The following DOCK4 variants were observed in gnomAD, a reference collection of about 807,000 sequenced individuals.
The protein encoded by DOCK4 is dedicator of cytokinesis protein 4.
A neutral mutation model predicts 268.1 loss-of-function variants in DOCK4; 97 were observed. The ratio of observed to expected loss-of-function variants is 0.36; its 90% CI spans 0.31 to 0.43. The LOEUF is 0.43. DOCK4 is among the 20% of genes least tolerant of loss of function. DOCK4 has a pLI of 1.00. For missense variants in DOCK4, 2,145 were observed against 2,455.7 expected (o/e 0.87, Z 2.67); for synonymous variants, 954 against 887.2 (o/e 1.08, Z -1.34).
At chr7:112,040,987 T>C (rs1804304641) in intron 1 of DOCK4, among the ~76,000 whole-genome samples, 1 of 152,208 alleles carries the variant, frequency 6.6e-6, no homozygotes. Flanking sequence ...AGGTAATTTT[T>C]TTTTTACGTT....
chr7:111,796,970 G>A (rs969374253), intron 30 of DOCK4, among the ~76,000 whole-genome samples: 7 of 152,334 alleles, frequency 4.6e-5, no homozygotes, highest in Admixed American at 3.3e-4. Flanking sequence ...AACAGTCGGA[G>A]AATGCTCCCT....
At position 111,778,378 on chromosome 7, in the gene DOCK4, A is replaced by C. The variant is rs1317974930; in HGVS notation, c.3586-9T>G. Reference sequence around the variant, plus strand: ...TCAGTCTTATAGAAGTTCTGTAAAAAAAGAGTACAGGTATGGATAGTTCCT... The same window carrying C: ...TCAGTCTTATAGAAGTTCTGTAAAACAAGAGTACAGGTATGGATAGTTCCT... On this transcript the variant is annotated splice_polypyrimidine_tract_variant and intron_variant, in intron 35 of 52. Coordinates refer to ENST00000428084, the MANE Select transcript of DOCK4 (RefSeq NM_001363540.2). The C allele has an allele frequency of 6.3e-7, 1 of 1,578,468 alleles. No homozygotes were observed. Among genetic ancestry groups the C allele is most frequent in the Non-Finnish European group, 8.7e-7 (1 of 1,148,406 alleles).
chr7:111,909,288 T>G (rs1486699053), intron 13 of DOCK4, among the ~76,000 whole-genome samples: 2 of 152,244 alleles, frequency 1.3e-5, no homozygotes, highest in Non-Finnish European at 1.5e-5. Flanking sequence ...TTTTACTATG[T>G]TTCTTGGCCG....
At chr7:111,971,897 T>A in intron 8 of DOCK4, 1 of 185,290 alleles carries the variant, frequency 5.4e-6, no homozygotes, top group Non-Finnish European at 1.1e-5. Context: ...AATGCCAACA[T>A]TCTTAGGCCT....
intron 1 of DOCK4, among the ~76,000 whole-genome samples, chr7:112,156,402 C>T (rs1816617648): frequency 6.6e-6 from 1 of 152,140 alleles, no homozygotes; most frequent in Non-Finnish European, 1.5e-5. Context: ...ATTGGGGTTA[C>T]ATTATAATTT....
At chr7:111,919,578 A>G (rs1477475723) in intron 12 of DOCK4, among the ~76,000 whole-genome samples, 1 of 152,228 alleles carries the variant, frequency 6.6e-6, no homozygotes. Context: ...TAAAGCCCTC[A>G]GTGTAATTAT....
At position 112,004,148 on chromosome 7, in the gene DOCK4, A is replaced by C. The variant is rs763783744; in HGVS notation, c.38-17T>G. 20 of 1,550,420 alleles carry C rather than the reference A, an allele frequency of 1.3e-5. No homozygotes were observed. The highest frequency in any genetic ancestry group is 1.8e-5 in the Non-Finnish European group (20 of 1,141,054). Reference sequence around the variant, plus strand: ...TGGCAATAACTGTAAAAAATGATAAAGAATATATGAAGACAATCATGTCCA... The same window carrying C: ...TGGCAATAACTGTAAAAAATGATAACGAATATATGAAGACAATCATGTCCA... On this transcript the variant is annotated splice_polypyrimidine_tract_variant and intron_variant, in intron 1 of 52. Coordinates refer to ENST00000428084, the MANE Select transcript of DOCK4 (RefSeq NM_001363540.2).
At chr7:111,861,528 C>T (rs1333554382) in intron 23 of DOCK4, among the ~76,000 whole-genome samples, 3 of 151,832 alleles carry the variant, frequency 2.0e-5, no homozygotes, top group East Asian at 1.9e-4. Flanking sequence ...GGGTGGATCA[C>T]CTGAGGTCAG....
At chr7:111,916,166 C>A (rs1792570158) in intron 12 of DOCK4, among the ~76,000 whole-genome samples, 1 of 152,160 alleles carries the variant, frequency 6.6e-6, no homozygotes, top group Admixed American at 6.5e-5. Context: ...GCTTCCAACC[C>A]CCAAATCTCT....
intron 39 of DOCK4, among the ~76,000 whole-genome samples, chr7:111,761,502 T>C (rs1168889459): frequency 1.3e-5 from 2 of 152,252 alleles, no homozygotes; most frequent in East Asian, 3.9e-4. Context: ...CCAGGAAAAC[T>C]TGTGGGATCT....
At chr7:111,957,146 T>C (rs1449841036) in intron 8 of DOCK4, among the ~76,000 whole-genome samples, 1 of 152,176 alleles carries the variant, frequency 6.6e-6, no homozygotes, top group East Asian at 1.9e-4. Context: ...CTATAGTTTA[T>C]ATACTTCTAA....
intron 1 of DOCK4, among the ~76,000 whole-genome samples, chr7:112,048,071 C>T (rs1214439828): frequency 2.0e-5 from 3 of 151,998 alleles, no homozygotes; most frequent in African/African-American, 7.2e-5. Flanking sequence ...CTGTAGTCTC[C>T]AAATGAGGGG....
intron 2 of DOCK4, among the ~76,000 whole-genome samples, chr7:112,001,813 T>C (rs1184282692): frequency 6.6e-6 from 1 of 152,196 alleles, no homozygotes; most frequent in Non-Finnish European, 1.5e-5. Flanking sequence ...CCATCCAAGG[T>C]TGCAGGTATC....
At chr7:111,753,403 A>C (rs1474924007) in intron 42 of DOCK4, among the ~76,000 whole-genome samples, 1 of 152,150 alleles carries the variant, frequency 6.6e-6, no homozygotes, top group Non-Finnish European at 1.5e-5. Context: ...TGAGCCCGGG[A>C]GGTCAAGGCT....
intron 1 of DOCK4, among the ~76,000 whole-genome samples, chr7:112,083,763 A>G (rs1808804247): frequency 6.6e-6 from 1 of 152,188 alleles, no homozygotes; most frequent in African/African-American, 2.4e-5. Context: ...TATGAATAAT[A>G]ACTACATATA....
chr7:111,863,433 C>T lies in DOCK4; in HGVS notation c.2412G>A (p.Leu804=), dbSNP rs1586205489. ...CAATGCACTGCAGTTTGATGGCCTG[C>T]AGGGAATCATCCACATGCAGGATGG... The part of the protein sequence containing the change: ...LPTILHVDDS[L]QAIKLQCIGK... Residue 804 remains leucine (L), a synonymous_variant, in exon 23 of 53, where the codon CTG becomes CTA. Transcript: ENST00000428084. The T allele has an allele frequency of 6.2e-7, 1 of 1,614,018 alleles. No homozygotes were observed. The highest frequency in any genetic ancestry group is 1.7e-4 in the Middle Eastern group (1 of 6,060).
intron 1 of DOCK4, among the ~76,000 whole-genome samples, chr7:112,159,428 T>A (rs556898429): frequency 6.6e-6 from 1 of 152,272 alleles, no homozygotes; most frequent in Admixed American, 6.5e-5. Flanking sequence ...TAGCCCAACC[T>A]GGTCTGGCAT....
At chr7:112,045,911 G>C (rs1217061155) in intron 1 of DOCK4, among the ~76,000 whole-genome samples, 1 of 152,122 alleles carries the variant, frequency 6.6e-6, no homozygotes, top group African/African-American at 2.4e-5. Flanking sequence ...TTAAATCCAC[G>C]CCTCATAACG....
intron 16 of DOCK4, among the ~76,000 whole-genome samples, chr7:111,894,918 G>A (rs1808613601): frequency 6.6e-6 from 1 of 152,224 alleles, no homozygotes; most frequent in Non-Finnish European, 1.5e-5. Context: ...AGCAGGACCA[G>A]TTATCATAGG....
Sources: allele counts gnomAD v4.1 joint callset (sites outside exome capture counted in the v4.1 genomes callset), GRCh38; gene constraint gnomAD v4.1.1; transcripts MANE v1.5; gene names NCBI Gene and HGNC (gene_info 2026-07-23, HGNC 2026-07-21).